The following CTPS1 variants were observed in gnomAD, a reference collection of about 807,000 sequenced individuals.
The protein encoded by CTPS1 is CTP synthase 1, also known as CTP synthetase 1.
CTPS1 carries 25 observed loss-of-function variants against 80.5 expected under a neutral mutation model. That is an observed-to-expected ratio of 0.31 (90% confidence interval 0.23 to 0.43). The LOEUF is 0.43. Ranked by LOEUF, CTPS1 falls within the 20% of genes least tolerant of loss-of-function variation. The pLI, the probability that CTPS1 is intolerant of heterozygous loss-of-function variation, is 1.00. For missense variants in CTPS1, 442 were observed against 725.7 expected, an observed-to-expected ratio of 0.61 and a Z score of 4.49; for synonymous variants, 267 against 252.5, an observed-to-expected ratio of 1.06 and a Z score of -0.54.
intron 7 of CTPS1, among the ~76,000 whole-genome samples, chr1:40,995,519 C>G (rs1642728238): frequency 6.6e-6 from 1 of 152,070 alleles, no homozygotes; most frequent in Admixed American, 6.5e-5. Context: ...TCAGCTACCC[C>G]CCAGTTAGCT....
chr1:40,988,212 C>T (rs1476954690), intron 4 of CTPS1, among the ~76,000 whole-genome samples: 2 of 152,054 alleles, frequency 1.3e-5, no homozygotes, highest in African/African-American at 4.8e-5. Context: ...CCGTGCCCAG[C>T]CAACTGATGC....
intron 1 of CTPS1, among the ~76,000 whole-genome samples, chr1:40,981,775 ATGC>A (rs1390540995): frequency 1.4e-5 from 2 of 146,046 alleles, no homozygotes; most frequent in African/African-American, 5.0e-5. Context: ...GCTTTTGGAA[ATGC>A]TGCAGCAGAG....
intron 7 of CTPS1, among the ~76,000 whole-genome samples, chr1:40,992,213 G>T (rs569212425): frequency 6.6e-6 from 1 of 152,292 alleles, no homozygotes. Flanking sequence ...TCAGGTTCTA[G>T]CGAAGACATA....
intron 12 of CTPS1, chr1:41,003,843 C>G (rs1231344330): frequency 1.3e-5 from 2 of 152,394 alleles, no homozygotes; most frequent in African/African-American, 4.8e-5. Flanking sequence ...TGGGTTTCAG[C>G]TGCACGTGGT....
intron 3 of CTPS1, 97 bp downstream of exon 3, chr1:40,985,088 C>T (rs1277404938): frequency 3.9e-6 from 3 of 777,338 alleles, no homozygotes; most frequent in Non-Finnish European, 5.4e-6. Context: ...CTTTTGAGTA[C>T]AGAAGTTTAC....
rs960838266 is a variant in CTPS1, at chr1:40,995,974, C to T, written c.778C>T (p.Gln260Ter). 1 of 1,614,132 alleles carries T rather than the reference C, an allele frequency of 6.2e-7. No homozygotes were observed. Among genetic ancestry groups the T allele is most frequent in the South Asian group, 1.1e-5 (1 of 91,082 alleles). The change falls in exon 8 of 19, where the codon CAA (glutamine) becomes TAA (stop). Residue 260 changes from glutamine to a stop codon, truncating the protein, a stop_gained. Transcript: ENST00000650070. LOFTEE classifies it high-confidence loss of function. ...IYRVPLLLEE[Q>*]GVVDYFLRRL... The stretch of plus-strand genomic sequence containing the variant: ...CCGAGTCCCCTTGTTGTTAGAGGAG[C>T]AAGGGGTTGTAGATTATTTTCTTCG...
rs1446792206 is a variant in CTPS1, at chr1:40,995,962, T to C, written c.766T>C (p.Leu256=). 1 of 1,613,942 alleles carries C rather than the reference T, an allele frequency of 6.2e-7. No individual in the cohort carries two copies. The highest frequency in any genetic ancestry group is 8.5e-7 in the Non-Finnish European group (1 of 1,179,932). Residue 256 remains leucine, a synonymous_variant, in exon 8 of 19, where the codon TTG becomes CTG. Coordinates refer to ENST00000650070, the MANE Select transcript of CTPS1 (RefSeq NM_001905.4). ...DVSSIYRVPL[L]LEEQGVVDYF... is the part of the protein sequence containing the mutation. ...CTCATCCATCTACCGAGTCCCCTTG[T>C]TGTTAGAGGAGCAAGGGGTTGTAGA...
In CTPS1 at chr1:41,008,649, GT is replaced by G. The variant is rs1643094694; in HGVS notation, c.1394-6del. 6.2e-7 allele frequency: 1 copy of G among 1,613,988 alleles called. No individual in the cohort carries two copies. The highest frequency in any genetic ancestry group is 1.3e-5 in the African/African-American group (1 of 74,936). On this transcript the variant is annotated splice_polypyrimidine_tract_variant and intron_variant, in intron 14 of 18. Transcript: ENST00000650070. ...AAAGTTCTTTACATACAGCCCGTTT[GT>G]TTTGCCAGGGAAACTCTATGGAGAC... is the stretch of plus-strand genomic sequence containing the variant.
At chr1:40,987,690 T>C (rs1642490854) in intron 4 of CTPS1, among the ~76,000 whole-genome samples, 1 of 152,216 alleles carries the variant, frequency 6.6e-6, no homozygotes, top group African/African-American at 2.4e-5. Flanking sequence ...GCATTTATGG[T>C]ACAATCACTT....
intron 3 of CTPS1, among the ~76,000 whole-genome samples, chr1:40,986,855 G>A (rs559264698): frequency 2.0e-5 from 3 of 152,246 alleles, no homozygotes; most frequent in Non-Finnish European, 4.4e-5. Flanking sequence ...CACAGCTAAC[G>A]AGTCATGAGA....
chr1:40,989,999 T>C (rs1642559867), intron 5 of CTPS1, among the ~76,000 whole-genome samples: 1 of 152,022 alleles, frequency 6.6e-6, no homozygotes, highest in Admixed American at 6.5e-5. Context: ...TTCCAAAAAA[T>C]AAGAACACAG....
intron 12 of CTPS1, among the ~76,000 whole-genome samples, chr1:41,003,790 C>T (rs959639873): frequency 6.6e-6 from 1 of 152,236 alleles, no homozygotes; most frequent in Non-Finnish European, 1.5e-5. Context: ...CTCCCAACAG[C>T]AGTGACTTCT....
At chr1:40,987,551 A>C in intron 4 of CTPS1, 79 bp downstream of exon 4, 1 of 1,049,058 alleles carries the variant, frequency 9.5e-7, no homozygotes, top group Non-Finnish European at 1.5e-6. Flanking sequence ...GACAGTTCCC[A>C]GTGGAGCCCT....
At chr1:41,010,788 A>G (rs561707243) in intron 18 of CTPS1, among the ~76,000 whole-genome samples, 2 of 152,306 alleles carry the variant, frequency 1.3e-5, no homozygotes, top group East Asian at 3.9e-4. Flanking sequence ...AGTTGGAACA[A>G]TTGCCAAATA....
chr1:40,996,176 C>T, intron 8 of CTPS1, 108 bp downstream of exon 8: 1 of 1,209,862 alleles, frequency 8.3e-7, no homozygotes. Context: ...CTTCTGCCAT[C>T]CACTCATTAG....
chr1:40,987,341 G>A (rs767739876), intron 3 of CTPS1, 31 bp from the exon 4 acceptor site: 24 of 1,511,228 alleles, frequency 1.6e-5, no homozygotes, highest in African/African-American at 5.5e-5. Flanking sequence ...ATGGACAAGC[G>A]TAAGTTCCCT....
chr1:40,991,753 C>G lies in CTPS1; in HGVS notation c.640-12C>G, dbSNP rs766882222. On this transcript the variant is annotated splice_polypyrimidine_tract_variant and intron_variant, in intron 6 of 18. Coordinates refer to ENST00000650070, the MANE Select transcript of CTPS1 (RefSeq NM_001905.4). ...TTCCTTCTGTCTAAGCCATCTTGTT[C>G]TCTACTGCTAGGTTGTATGCAGGTG... 4.6e-5 allele frequency: 74 copies of G among 1,604,498 alleles called. No individual in the cohort carries two copies. The highest frequency in any genetic ancestry group is 6.1e-5 in the Non-Finnish European group (72 of 1,171,410).
chr1:40,998,201 G>A (rs574735029), intron 9 of CTPS1, among the ~76,000 whole-genome samples: 1 of 151,828 alleles, frequency 6.6e-6, no homozygotes, highest in Non-Finnish European at 1.5e-5. Context: ...GATTGAGACC[G>A]TTCTGGCTAA....
At chr1:40,997,870 T>G (rs1458855756) in intron 9 of CTPS1, among the ~76,000 whole-genome samples, 2 of 152,154 alleles carry the variant, frequency 1.3e-5, no homozygotes. Flanking sequence ...TCTTGGAGAC[T>G]TTGTTGGCAT....
Sources: gnomAD v4.1 joint callset for allele counts (sites outside exome capture counted in the v4.1 genomes callset) on GRCh38, gnomAD v4.1.1 for gene constraint, MANE v1.5 for transcripts, NCBI Gene and HGNC (gene_info 2026-07-23, HGNC 2026-07-21) for gene names.